The following GPC6 variants were observed in gnomAD, a reference collection of about 807,000 sequenced individuals.
GPC6 encodes the protein glypican-6.
A neutral mutation model predicts 55.2 loss-of-function variants in GPC6; 14 were observed. The observed-to-expected ratio is 0.25, with a 90% confidence interval of 0.17 to 0.40. The LOEUF (loss-of-function observed/expected upper bound fraction) is 0.40. Among genes scored for constraint, GPC6 ranks in the 10% least tolerant of loss-of-function variants. GPC6 has a pLI of 1.00. For missense variants in GPC6, 641 were observed against 708.5 expected (o/e 0.90, Z 1.08); for synonymous variants, 278 against 259.6 (o/e 1.07, Z -0.68).
chr13:93,628,413 G>A (rs181793627), intron 2 of GPC6, among the ~76,000 whole-genome samples: 1 of 152,312 alleles, frequency 6.6e-6, no homozygotes, highest in Admixed American at 6.5e-5. Context: ...CCTTGGTAAA[G>A]TGGGCAGGGA....
In GPC6 at chr13:93,939,956, G is replaced by A. The variant is rs74109137; in HGVS notation, c.712-87773G>A. Among the ~76,000 whole-genome samples, 1,283 of 152,124 alleles carry A rather than the reference G, an allele frequency of 8.4e-3. 18 individuals carry two copies. The highest frequency in any genetic ancestry group is 0.029 in the African/African-American group (1,220 of 41,506). Reference sequence around the variant, plus strand: ...TCATCTAGATAAATGTCATAGCTGTGATTATTCTGGATGCTAATTTTAATT... The same window carrying A: ...TCATCTAGATAAATGTCATAGCTGTAATTATTCTGGATGCTAATTTTAATT... On this transcript the variant is annotated intron_variant, in intron 3 of 8. Coordinates refer to ENST00000377047, the MANE Select transcript of GPC6 (RefSeq NM_005708.5).
chr13:93,686,668 T>G (rs147082078), intron 2 of GPC6, among the ~76,000 whole-genome samples: 1 of 152,214 alleles, frequency 6.6e-6, no homozygotes, highest in African/African-American at 2.4e-5. Context: ...TCATTCTTTT[T>G]AAGGAATTGT....
chr13:93,591,290 C>T (rs1371242572), intron 2 of GPC6, among the ~76,000 whole-genome samples: 2 of 151,820 alleles, frequency 1.3e-5, no homozygotes, highest in African/African-American at 2.4e-5. Flanking sequence ...GGTGAAACCC[C>T]GTCTCTACTA....
chr13:93,326,471 T>C (rs886566201), intron 1 of GPC6, among the ~76,000 whole-genome samples: 1 of 149,868 alleles, frequency 6.7e-6, no homozygotes, highest in African/African-American at 2.5e-5. Context: ...CACACACACG[T>C]GTACGCAGTT....
intron 2 of GPC6, among the ~76,000 whole-genome samples, chr13:93,583,486 T>G (rs1039632487): frequency 6.6e-5 from 10 of 152,270 alleles, no homozygotes; most frequent in Admixed American, 1.3e-4. Flanking sequence ...TGGCGCGATA[T>G]CGGCTCACCG....
chr13:93,567,935 G>A (rs865809768), intron 2 of GPC6, among the ~76,000 whole-genome samples: 29 of 152,244 alleles, frequency 1.9e-4, no homozygotes, highest in Admixed American at 1.2e-3. Flanking sequence ...AACATGCCAA[G>A]CTCATAGTTT....
chr13:93,492,516 C>T (rs1173728671), intron 1 of GPC6, among the ~76,000 whole-genome samples: 2 of 149,330 alleles, frequency 1.3e-5, no homozygotes, highest in Non-Finnish European at 3.0e-5. Context: ...CCTTTATTTC[C>T]TTCTCCTGCC....
chr13:94,378,436 T>A (rs1337840569), intron 6 of GPC6, among the ~76,000 whole-genome samples: 1 of 152,190 alleles, frequency 6.6e-6, no homozygotes, highest in Non-Finnish European at 1.5e-5. Flanking sequence ...TTTTTAGCAA[T>A]CATTCCACCT....
intron 3 of GPC6, among the ~76,000 whole-genome samples, chr13:93,893,965 T>A (rs1221607407): frequency 6.6e-6 from 1 of 152,184 alleles, no homozygotes; most frequent in African/African-American, 2.4e-5. Context: ...CACATGCAGC[T>A]CATGTAAATA....
chr13:93,753,460 G>A (rs1003627028), intron 2 of GPC6, among the ~76,000 whole-genome samples: 5 of 151,606 alleles, frequency 3.3e-5, no homozygotes, highest in East Asian at 1.9e-4. Flanking sequence ...ATTTTTATGG[G>A]TACATAGTAG....
chr13:93,978,719 A>G (rs181149074), intron 3 of GPC6, among the ~76,000 whole-genome samples: 2 of 152,066 alleles, frequency 1.3e-5, no homozygotes, highest in African/African-American at 4.8e-5. Context: ...CCTTCTCTCA[A>G]CTGAGGTTTT....
intron 2 of GPC6, among the ~76,000 whole-genome samples, chr13:93,628,247 T>G (rs1291239112): frequency 6.6e-6 from 1 of 152,208 alleles, no homozygotes; most frequent in East Asian, 1.9e-4. Context: ...TCTCTCCAGA[T>G]GCATTCTGTG....
chr13:93,860,927 C>T (rs1888788619), intron 3 of GPC6, among the ~76,000 whole-genome samples: 1 of 151,462 alleles, frequency 6.6e-6, no homozygotes, highest in Admixed American at 6.6e-5. Context: ...AAAGGGTGGG[C>T]TCAGGGAACA....
At chr13:93,431,757 A>T (rs1877368533) in intron 1 of GPC6, among the ~76,000 whole-genome samples, 1 of 152,176 alleles carries the variant, frequency 6.6e-6, no homozygotes, top group African/African-American at 2.4e-5. Flanking sequence ...GGCACGCAGA[A>T]AAAGATGGAC....
At chr13:93,811,941 A>G (rs1374734129) in intron 2 of GPC6, among the ~76,000 whole-genome samples, 3 of 152,258 alleles carry the variant, frequency 2.0e-5, no homozygotes, top group African/African-American at 7.2e-5. Flanking sequence ...AGAGAAAGAC[A>G]TGAGGCATAT....
intron 2 of GPC6, among the ~76,000 whole-genome samples, chr13:93,816,223 C>T (rs1442615207): frequency 1.3e-5 from 2 of 152,110 alleles, no homozygotes; most frequent in African/African-American, 4.8e-5. Flanking sequence ...AATCCTTTCT[C>T]TGCCAAGAAA....
intron 3 of GPC6, among the ~76,000 whole-genome samples, chr13:93,962,065 C>T (rs150752625): frequency 4.5e-4 from 68 of 152,246 alleles, no homozygotes; most frequent in African/African-American, 1.6e-3. Flanking sequence ...CTCCATTTAA[C>T]AATTAAAGAA....
intron 1 of GPC6, among the ~76,000 whole-genome samples, chr13:93,312,208 G>T (rs1233644149): frequency 6.6e-6 from 1 of 151,882 alleles, no homozygotes; most frequent in African/African-American, 2.4e-5. Flanking sequence ...TATCTCTTTT[G>T]TTGAAATTGA....
chr13:93,485,795 G>A (rs1163440409), intron 1 of GPC6, among the ~76,000 whole-genome samples: 3 of 152,110 alleles, frequency 2.0e-5, no homozygotes, highest in African/African-American at 7.2e-5. Context: ...TACCTGTCAG[G>A]TTTGAGATTT....
Sources: gnomAD v4.1 joint callset for allele counts (sites outside exome capture counted in the v4.1 genomes callset) on GRCh38, gnomAD v4.1.1 for gene constraint, MANE v1.5 for transcripts, NCBI Gene and HGNC (gene_info 2026-07-23, HGNC 2026-07-21) for gene names.